CIB4: variants seen among roughly 807,000 people sequenced by gnomAD.
CIB4 encodes the protein calcium and integrin binding family member 4, also known as calcium and integrin-binding family member 4.
In CIB4, 25 loss-of-function variants were observed where a neutral mutation model predicts 25.8. The observed-to-expected ratio is 0.97, with a 90% CI of 0.71 to 1.35. The LOEUF is 1.35. CIB4 is among the 40% of genes most tolerant of loss of function. CIB4 has a pLI of 0.00. For synonymous variants in CIB4, 75 were observed against 81.4 expected (o/e 0.92, Z 0.42); for missense variants, 235 against 228.2 (o/e 1.03, Z -0.19).
intron 3 of CIB4, 40 bp downstream of exon 3, chr2:26,629,370 A>C: frequency 1.6e-6 from 2 of 1,235,472 alleles, no homozygotes; most frequent in East Asian, 2.6e-5. Context: ...AGCAGGTCCC[A>C]CTGATGCTGC....
chr2:26,601,231 A>AAAAAAAAAAAAAAAATAT (rs1395827334), intron 3 of CIB4, among the ~76,000 whole-genome samples: 1 of 17,238 alleles, frequency 5.8e-5, no homozygotes, highest in African/African-American at 1.5e-4. Flanking sequence ...AAAAAAAAAA[A>AAAAAAAAAAAAAAAATAT]ATATATATAT....
chr2:26,617,099 T>C (rs986728633), intron 3 of CIB4, among the ~76,000 whole-genome samples: 1 of 134,202 alleles, frequency 7.5e-6, no homozygotes, highest in African/African-American at 2.7e-5. Flanking sequence ...GTCAAGAACT[T>C]ACCCACAGCA....
chr2:26,588,122 GCC>G (rs1668491267), intron 4 of CIB4, among the ~76,000 whole-genome samples: 1 of 152,246 alleles, frequency 6.6e-6, no homozygotes, highest in African/African-American at 2.4e-5. Context: ...GAAGGGACCA[GCC>G]CCAGGGCCTG....
intron 3 of CIB4, among the ~76,000 whole-genome samples, chr2:26,611,845 T>C (rs1166480732): frequency 6.6e-6 from 1 of 152,208 alleles, no homozygotes; most frequent in African/African-American, 2.4e-5. Context: ...AAAGCATTTA[T>C]GCCTAATGGA....
At position 26,595,182 on chromosome 2, in the gene CIB4, T is replaced by G; in HGVS notation, c.322A>C (p.Ile108Leu). 3 of 1,609,366 alleles carry G rather than the reference T, an allele frequency of 1.9e-6. No individual in the cohort carries two copies. Among genetic ancestry groups the G allele is most frequent in the Non-Finnish European group, 2.6e-6 (3 of 1,176,034 alleles). ...PSLKIEYAFR[I>L]YDFNENGFID... ...AGTCCCCCACAGCACCTACCATAGA[T>G]GCGAAAGGCATACTCAATCTTCAGG... Residue 108 changes from isoleucine to leucine, a missense_variant, in exon 4 of 7, where the codon ATC becomes CTC. Physicochemically the swap from Ile to Leu is conservative, Grantham distance 5. Coordinates refer to ENST00000288861, the MANE Select transcript of CIB4 (RefSeq NM_001029881.3).
chr2:26,616,911 G>A (rs1246745590), intron 3 of CIB4, among the ~76,000 whole-genome samples: 2 of 152,148 alleles, frequency 1.3e-5, no homozygotes, highest in African/African-American at 2.4e-5. Flanking sequence ...CTTCATAACA[G>A]GGACAAAGGC....
intron 1 of CIB4, 61 bp downstream of exon 1, chr2:26,641,200 C>T (rs1669628989): frequency 7.1e-7 from 1 of 1,414,114 alleles, no homozygotes; most frequent in South Asian, 1.1e-5. Flanking sequence ...TTTTCCCATT[C>T]ATTCCACCTG....
At chr2:26,603,875 C>T (rs769025885) in intron 3 of CIB4, among the ~76,000 whole-genome samples, 11 of 151,106 alleles carry the variant, frequency 7.3e-5, no homozygotes, top group Non-Finnish European at 1.6e-4. Flanking sequence ...TGGTGGTGTG[C>T]GCCTGTAGTC....
chr2:26,584,908 C>T (rs2148187448), intron 4 of CIB4, among the ~76,000 whole-genome samples: 1 of 152,274 alleles, frequency 6.6e-6, no homozygotes, highest in East Asian at 1.9e-4. Flanking sequence ...TCAACTGCAG[C>T]CACAGCCCAG....
intron 3 of CIB4, among the ~76,000 whole-genome samples, chr2:26,616,042 CG>C (rs1558567286): frequency 1.4e-4 from 22 of 152,182 alleles, no homozygotes. Flanking sequence ...GCAAGGCTGC[CG>C]ATTTCCATCA....
chr2:26,628,549 C>T (rs939590027), intron 3 of CIB4, among the ~76,000 whole-genome samples: 1 of 152,212 alleles, frequency 6.6e-6, no homozygotes, highest in Non-Finnish European at 1.5e-5. Context: ...AGGGAATGAG[C>T]ATTCAACCAG....
At chr2:26,629,385 G>C (rs1448459644) in intron 3 of CIB4, 25 bp downstream of exon 3, 4 of 1,389,772 alleles carry the variant, frequency 2.9e-6, no homozygotes, top group East Asian at 5.0e-5. Flanking sequence ...TGCTGCCCTT[G>C]CCCCACCCAC....
chr2:26,584,348 G>A (rs1668410443), intron 4 of CIB4, among the ~76,000 whole-genome samples: 1 of 152,058 alleles, frequency 6.6e-6, no homozygotes, highest in South Asian at 2.1e-4. Context: ...GTGTCTTTTG[G>A]TGGCTGGGAG....
At chr2:26,629,563 G>A in intron 2 of CIB4, 57 bp from the exon 3 acceptor site, 1 of 1,229,186 alleles carries the variant, frequency 8.1e-7, no homozygotes, top group African/African-American at 1.5e-5. Flanking sequence ...GCACTGTGTG[G>A]CCGGGGAAAG....
chr2:26,583,938 G>A, intron 4 of CIB4, 40 bp from the exon 5 acceptor site: 1 of 1,316,452 alleles, frequency 7.6e-7, no homozygotes, highest in Non-Finnish European at 1.1e-6. Flanking sequence ...ACGGAGCTGG[G>A]GGCTAAACAG....
chr2:26,619,251 CG>C (rs926135831), intron 3 of CIB4, among the ~76,000 whole-genome samples: 1 of 152,080 alleles, frequency 6.6e-6, no homozygotes, highest in Non-Finnish European at 1.5e-5. Flanking sequence ...GGGCCCTCCC[CG>C]GGGGGTGAGG....
At chr2:26,605,531 G>A in intron 3 of CIB4, 1 of 471,122 alleles carries the variant, frequency 2.1e-6, no homozygotes, top group Non-Finnish European at 4.4e-6. Flanking sequence ...CGCCCTTTCA[G>A]GGAAGGCTCT....
chr2:26,621,574 G>A (rs1178050887), intron 3 of CIB4, among the ~76,000 whole-genome samples: 1 of 152,164 alleles, frequency 6.6e-6, no homozygotes, highest in Non-Finnish European at 1.5e-5. Flanking sequence ...AGTCAAGTAT[G>A]AGAGGAGAAA....
chr2:26,622,056 G>T (rs1669212844), intron 3 of CIB4, among the ~76,000 whole-genome samples: 1 of 152,196 alleles, frequency 6.6e-6, no homozygotes, highest in African/African-American at 2.4e-5. Flanking sequence ...AGTGTATGCA[G>T]TCATAATAAT....
Sources: allele counts gnomAD v4.1 joint callset (sites outside exome capture counted in the v4.1 genomes callset), GRCh38; gene constraint gnomAD v4.1.1; transcripts MANE v1.5; gene names NCBI Gene and HGNC (gene_info 2026-07-23, HGNC 2026-07-21).